Variants in FAM219B observed in about 807,000 individuals in gnomAD.
The protein encoded by FAM219B is family with sequence similarity 219 member B, also known as protein FAM219B.
Under a neutral mutation model 19.9 loss-of-function variants are expected in FAM219B, and 18 were observed. The observed-to-expected ratio is 0.91, with a 90% CI of 0.63 to 1.34. The LOEUF is 1.34. FAM219B is among the 40% of genes most tolerant of loss of function. FAM219B has a pLI of 0.00. For missense variants in FAM219B, 283 were observed against 270.5 expected (o/e 1.05, Z -0.32); for synonymous variants, 123 against 117.5 (o/e 1.05, Z -0.30).
chr15:74,906,114 G>A (rs551522348), intron 2 of FAM219B, 164 bp downstream of exon 2: 2 of 713,680 alleles, frequency 2.8e-6, no homozygotes, highest in Admixed American at 5.7e-5. Context: ...ATCCTTAAAG[G>A]AAAAGAGAGA....
chr15:74,900,204 T>A lies in FAM219B; in HGVS notation c.*2415A>T, dbSNP rs749308628. ...TGGGCACATTGGTGGTATTTTGGTATGTGGCCACTGGCCCTAAACAACTGA... is the reference window on the plus strand; with the variant it reads ...TGGGCACATTGGTGGTATTTTGGTAAGTGGCCACTGGCCCTAAACAACTGA... On this transcript the variant is annotated 3_prime_UTR_variant, in exon 5 of 5. Transcript: ENST00000357635. 6 of 152,264 alleles carry A rather than the reference T, an allele frequency of 3.9e-5. No individual in the cohort carries two copies. The highest frequency in any genetic ancestry group is 1.4e-4 in the African/African-American group (6 of 41,448). The allele number at this position is 152,264 out of a possible 1,614,324, so 9.4% of individuals were successfully genotyped here. A position where few individuals can be genotyped will look rare whatever the true frequency, so the allele number is the denominator to read the frequency against.
At chr15:74,903,788 T>TGGTGTAGAGTCA (rs2065074736) in intron 4 of FAM219B, among the ~76,000 whole-genome samples, 1 of 152,022 alleles carries the variant, frequency 6.6e-6, no homozygotes, top group East Asian at 1.9e-4. Context: ...GAAAAGCAAG[T>TGGTGTAGAGTCA]GGTGTAGAGT....
rs954829193 is a variant in FAM219B, at chr15:74,906,073, T to C, written c.302+205A>G. 4 of 590,572 alleles carry C rather than the reference T, an allele frequency of 6.8e-6. No individual in the cohort carries two copies. The African/African-American group carries it at 7.5e-5, about 11-fold the overall frequency. 36.6% of individuals were successfully genotyped at this position (590,572 alleles called of 1,614,324 possible). ...AGCCTGTGCACTCACAGAACTCCCT[T>C]ATTCCGAAGCCCTTTATCTGATCCT... On this transcript the variant is annotated intron_variant, in intron 2 of 4. Coordinates refer to ENST00000357635, the MANE Select transcript of FAM219B (RefSeq NM_020447.5).
At chr15:74,905,468 G>A in intron 2 of FAM219B, 1 of 419,824 alleles carries the variant, frequency 2.4e-6, no homozygotes, top group Non-Finnish European at 4.5e-6. Context: ...CTGTCACCCA[G>A]GCTGCAGTGC....
intron 3 of FAM219B, 67 bp from the exon 4 acceptor site, chr15:74,904,779 G>A (rs767992593): frequency 1.4e-5 from 23 of 1,596,562 alleles, no homozygotes; most frequent in Middle Eastern, 1.7e-4. Flanking sequence ...ATCATCAGGC[G>A]GAGAGCATGC....
rs916346234 is a variant in FAM219B at position 74,906,178 on chromosome 15, A to G, written c.302+100T>C. The G allele has an allele frequency of 1.9e-5, 24 of 1,232,866 alleles. No individual in the cohort carries two copies. The South Asian group carries it at 2.7e-4, about 14-fold the overall frequency. The allele number at this position is 1,232,866 out of a possible 1,614,324, so 76.4% of individuals were successfully genotyped here. A position where few individuals can be genotyped will look rare whatever the true frequency, so the allele number is the denominator to read the frequency against. ...GAACCTGACAGGTTGCATCAGGGGA[A>G]TCGCTAGCTCGGCCTTAAACCAGAG... On this transcript the variant is annotated intron_variant, in intron 2 of 4. Transcript: ENST00000357635.
At chr15:74,905,523 A>C in intron 2 of FAM219B, 2 of 305,324 alleles carry the variant, frequency 6.6e-6, no homozygotes, top group South Asian at 3.1e-5. Flanking sequence ...TACCATGCTC[A>C]AGTGATTTTC....
intron 2 of FAM219B, chr15:74,905,705 G>T: frequency 5.3e-6 from 1 of 189,696 alleles, no homozygotes. Flanking sequence ...GAGCCACCAC[G>T]CCCGGCCTGT....
chr15:74,899,636 T>C (rs1046064372), downstream of FAM219B: 1 of 152,216 alleles, frequency 6.6e-6, no homozygotes, highest in African/African-American at 2.4e-5. Flanking sequence ...TCTTAACTTT[T>C]ATTTTTTTGA....
chr15:74,902,872 C>T, intron 4 of FAM219B, 86 bp from the exon 5 acceptor site: 2 of 1,480,830 alleles, frequency 1.4e-6, no homozygotes, highest in Non-Finnish European at 1.8e-6. Flanking sequence ...ATTCCGTTAC[C>T]AGGGCTTCCT....
intron 3 of FAM219B, 175 bp from the exon 4 acceptor site, chr15:74,904,887 C>T (rs974420507): frequency 1.4e-6 from 2 of 1,438,028 alleles, no homozygotes; most frequent in Non-Finnish European, 1.9e-6. Flanking sequence ...TTGGTTCTGG[C>T]AGGGACAGGG....
At chr15:74,906,495 G>C (rs1708885194) in intron 1 of FAM219B, 92 bp downstream of exon 1, 1 of 1,488,906 alleles carries the variant, frequency 6.7e-7, no homozygotes, top group Admixed American at 2.4e-5. Context: ...CTTCCCTCCG[G>C]GGCCGAGGCC....
In FAM219B at chr15:74,902,070, A is replaced by C; in HGVS notation, c.*549T>G. The stretch of plus-strand genomic sequence containing the variant: ...ATAGTTAGACAGGTGCAACCTGAAG[A>C]GGGACAAAAGGACTCACTTTATGCT... On this transcript the variant is annotated 3_prime_UTR_variant, in exon 5 of 5. Coordinates refer to ENST00000357635, the MANE Select transcript of FAM219B (RefSeq NM_020447.5). 2.5e-6 allele frequency: 1 copy of C among 398,654 alleles called. No individual in the cohort carries two copies. The highest frequency in any genetic ancestry group is 4.4e-6 in the Non-Finnish European group (1 of 226,062). The allele number at this position is 398,654 out of a possible 1,614,324, so 24.7% of individuals were successfully genotyped here. A position where few individuals can be genotyped will look rare whatever the true frequency, so the allele number is the denominator to read the frequency against.
At position 74,900,668 on chromosome 15, in the gene FAM219B, T is replaced by G. The variant is rs1019359479; in HGVS notation, c.*1951A>C. 6.6e-6 allele frequency: 1 copy of G among 152,244 alleles called. No individual in the cohort carries two copies. The highest frequency in any genetic ancestry group is 1.5e-5 in the Non-Finnish European group (1 of 68,062). The allele number at this position is 152,244 out of a possible 1,614,324, so 9.4% of individuals were successfully genotyped here. A position where few individuals can be genotyped will look rare whatever the true frequency, so the allele number is the denominator to read the frequency against. On this transcript the variant is annotated 3_prime_UTR_variant, in exon 5 of 5. Transcript: ENST00000357635. ...GAAGGGGTTCTGGATGGAGATGTTC[T>G]TGAGCTCTACAAGCATTTGCACAAA...
chr15:74,898,216 C>T, downstream of FAM219B: 1 of 264,330 alleles, frequency 3.8e-6, no homozygotes, highest in Non-Finnish European at 7.5e-6. Context: ...AATTAAAGAT[C>T]ACTTGTGTTG....
chr15:74,904,161 T>TGGGTAGCAA (rs970971359), intron 4 of FAM219B, among the ~76,000 whole-genome samples: 6 of 152,042 alleles, frequency 3.9e-5, no homozygotes, highest in African/African-American at 1.4e-4. Context: ...GAGGGAAGGG[T>TGGGTAGCAA]GGGTAGCAAG....
Position 74,902,561 on chromosome 15 carries a change from T to A in FAM219B, c.*58A>T. ...CTCACTGCACTGTGTGAGCTATGAGTGGCCAACAGGGCTCTGTAGGCCTCA... is the reference window on the plus strand; with the variant it reads ...CTCACTGCACTGTGTGAGCTATGAGAGGCCAACAGGGCTCTGTAGGCCTCA... On this transcript the variant is annotated 3_prime_UTR_variant, in exon 5 of 5. Coordinates refer to ENST00000357635, the MANE Select transcript of FAM219B (RefSeq NM_020447.5). The A allele has an allele frequency of 6.6e-7, 1 of 1,508,844 alleles. No individual in the cohort carries two copies. The highest frequency in any genetic ancestry group is 8.9e-7 in the Non-Finnish European group (1 of 1,122,390). 93.5% of individuals were successfully genotyped at this position (1,508,844 alleles called of 1,614,324 possible). A position where few individuals can be genotyped will look rare whatever the true frequency, so the allele number is the denominator to read the frequency against.
chr15:74,906,682 T>C lies in FAM219B; in HGVS notation c.119A>G (p.Asn40Ser). 3.4e-6 allele frequency: 5 copies of C among 1,483,228 alleles called. No individual in the cohort carries two copies. Among genetic ancestry groups the C allele is most frequent in the Non-Finnish European group, 4.5e-6 (5 of 1,121,004 alleles). 91.9% of individuals were successfully genotyped at this position (1,483,228 alleles called of 1,614,324 possible). A position where few individuals can be genotyped will look rare whatever the true frequency, so the allele number is the denominator to read the frequency against. ...AAGPPSGQIG[N>S]RALRLGERTP... ...GCGCTCCCCCAGACGGAGGGCTCTA[T>C]TACCGATCTGCCCGGAGGGTGGCCC... The change falls in exon 1 of 5, where the codon AAT becomes AGT. Residue 40 changes from asparagine (N) to serine (S), a missense_variant. Transcript: ENST00000357635.
rs1475535707 is a variant in FAM219B, at chr15:74,906,738, G to C, written c.63C>G (p.Ser21Arg). ...LRLSTPGPRP[S>R]GARDRAPGAA... ...CTCCCGGCGCGCGGTCCCGAGCCCC[G>C]CTGGGCCGGGGTCCCGGGGTAGACA... The change falls in exon 1 of 5, where the codon AGC becomes AGG. Residue 21 changes from serine (S) to arginine (R), a missense_variant. Coordinates refer to ENST00000357635, the MANE Select transcript of FAM219B (RefSeq NM_020447.5). 6.7e-6 allele frequency: 9 copies of C among 1,346,718 alleles called. No individual in the cohort carries two copies. Among genetic ancestry groups the C allele is most frequent in the African/African-American group, 1.5e-5 (1 of 65,286 alleles). The allele number at this position is 1,346,718 out of a possible 1,614,324, so 83.4% of individuals were successfully genotyped here.
Sources: allele counts gnomAD v4.1 joint callset (sites outside exome capture counted in the v4.1 genomes callset), GRCh38; gene constraint gnomAD v4.1.1; transcripts MANE v1.5; gene names NCBI Gene and HGNC (gene_info 2026-07-23, HGNC 2026-07-21).